Variants in CARS2 observed in about 807,000 individuals in gnomAD.
The protein encoded by CARS2 is cysteinyl-tRNA synthetase 2, mitochondrial.
In CARS2, 52 loss-of-function variants were observed where a neutral mutation model predicts 68.8. That is an observed-to-expected ratio of 0.76 (90% confidence interval 0.61 to 0.95). The LOEUF is 0.95. Ranked by LOEUF, CARS2 falls within the 40% of genes least tolerant of loss-of-function variation. The pLI, the probability that CARS2 is intolerant of heterozygous loss-of-function variation, is 0.00. For synonymous variants in CARS2, 314 were observed against 303.6 expected (o/e 1.03, Z -0.36); for missense variants, 780 against 754.2 (o/e 1.03, Z -0.40).
intron 6 of CARS2, among the ~76,000 whole-genome samples, chr13:110,678,857 G>T (rs1189483622): frequency 1.1e-4 from 17 of 152,090 alleles, no homozygotes; most frequent in Admixed American, 8.5e-4. Flanking sequence ...AGAGTGGACG[G>T]GGCTACAGAA....
intron 14 of CARS2, among the ~76,000 whole-genome samples, chr13:110,642,109 G>A (rs1887414465): frequency 6.6e-6 from 1 of 152,208 alleles, no homozygotes; most frequent in Non-Finnish European, 1.5e-5. Flanking sequence ...GCTGAGGCAG[G>A]AGAATCGCTT....
chr13:110,664,732 G>A, intron 8 of CARS2: 1 of 790,210 alleles, frequency 1.3e-6, no homozygotes, highest in East Asian at 1.3e-4. Flanking sequence ...CAGCCCTCAG[G>A]TGACGGTAAC....
intron 10 of CARS2, 92 bp downstream of exon 10, chr13:110,650,942 A>T: frequency 1.1e-6 from 1 of 907,444 alleles, no homozygotes; most frequent in Non-Finnish European, 1.8e-6. Context: ...GGTTCTGCTT[A>T]TTCTCTGGCC....
rs2062623294 is a variant in CARS2 at position 110,665,469 on chromosome 13, A to G, written c.919+1871T>C. 1.0e-6 allele frequency: 1 copy of G among 985,478 alleles called. No individual in the cohort carries two copies. 61.0% of individuals were successfully genotyped at this position (985,478 alleles called of 1,614,324 possible). On this transcript the variant is annotated intron_variant, in intron 8 of 14. Coordinates refer to ENST00000257347, the MANE Select transcript of CARS2 (RefSeq NM_024537.4). This position sits in a 1 kb window ranked among gnomAD's most constrained non-coding sequence, Gnocchi z 4.3. ...CAACAACAACAGCAAATGCTTTCCC[A>G]TTCCCACATCGGAAGGTGAACACGA...
chr13:110,712,862 C>G (rs2064048779), intron 1 of CARS2: 5 of 1,274,686 alleles, frequency 3.9e-6, no homozygotes, highest in East Asian at 2.5e-5. Context: ...GCCCCTTTGT[C>G]TCCAAGCCGT....
chr13:110,672,515 A>G (rs1566694437), intron 7 of CARS2, among the ~76,000 whole-genome samples: 1 of 152,236 alleles, frequency 6.6e-6, no homozygotes, highest in Non-Finnish European at 1.5e-5. Context: ...CTTTGAAACC[A>G]ATAAGAACAA....
intron 5 of CARS2, among the ~76,000 whole-genome samples, chr13:110,687,452 A>G (rs2063331509): frequency 6.6e-6 from 1 of 151,980 alleles, no homozygotes; most frequent in African/African-American, 2.4e-5. Context: ...GGTGGATCAC[A>G]AGGTCAGGAG....
At position 110,668,198 on chromosome 13, in the gene CARS2, C is replaced by A. The variant is rs548464976; in HGVS notation, c.786-725G>T. 9.2e-5 allele frequency among the ~76,000 whole-genome samples: 14 copies of A among 152,320 alleles called. No individual in the cohort carries two copies. The highest frequency in any genetic ancestry group is 3.4e-4 in the African/African-American group (14 of 41,572). ...AAGCACTGCACACGGAGGTCTCGAG[C>A]CTGGGGAAACAGGCATCACAGAAAC... On this transcript the variant is annotated intron_variant, in intron 7 of 14. Transcript: ENST00000257347. This position sits in a 1 kb window ranked among gnomAD's most constrained non-coding sequence, Gnocchi z 4.1.
At chr13:110,657,187 C>A (rs1176942849) in intron 9 of CARS2, among the ~76,000 whole-genome samples, 3 of 142,732 alleles carry the variant, frequency 2.1e-5, no homozygotes. Context: ...AACTAAAAAG[C>A]CCTGTGATAT....
intron 6 of CARS2, among the ~76,000 whole-genome samples, chr13:110,682,016 C>T (rs1333193097): frequency 6.6e-6 from 1 of 152,050 alleles, no homozygotes; most frequent in Non-Finnish European, 1.5e-5. Context: ...TATACATTCA[C>T]CCAAACCCAG....
Position 110,665,949 on chromosome 13 carries a change from T to C in CARS2, c.919+1391A>G. On this transcript the variant is annotated intron_variant, in intron 8 of 14. Transcript: ENST00000257347. This position sits in a 1 kb window ranked among gnomAD's most constrained non-coding sequence, Gnocchi z 4.3. ...ATGTCAAAGTTTGCATCTCCAAATC[T>C]ATCACTACCAAACACTCTTTATCTT... 2.0e-6 allele frequency: 2 copies of C among 985,380 alleles called. No homozygotes were observed. Among genetic ancestry groups the C allele is most frequent in the Non-Finnish European group, 2.4e-6 (2 of 829,916 alleles). The allele number at this position is 985,380 out of a possible 1,614,324, so 61.0% of individuals were successfully genotyped here.
intron 3 of CARS2, among the ~76,000 whole-genome samples, chr13:110,690,323 G>A (rs2063421197): frequency 6.6e-6 from 1 of 152,238 alleles, no homozygotes; most frequent in South Asian, 2.1e-4. Flanking sequence ...CAAATGGCAT[G>A]AAGGGGTGCC....
intron 7 of CARS2, among the ~76,000 whole-genome samples, chr13:110,675,556 C>A (rs1331406306): frequency 6.6e-6 from 1 of 151,862 alleles, no homozygotes; most frequent in Non-Finnish European, 1.5e-5. Context: ...CAGGGCCTGT[C>A]ATGGGGTGGG....
In CARS2 at chr13:110,705,744, C is replaced by T. The variant is rs1471808613; in HGVS notation, c.224+126G>A. 3 of 1,537,136 alleles carry T rather than the reference C, an allele frequency of 2.0e-6. No individual in the cohort carries two copies. In the African/African-American group the frequency reaches 4.1e-5, roughly 21 times the overall value. ...AACCTGCAAAAGCACCGCGCACCCC[C>T]AGCTTCTAGAACGGCGCCCTCCATG... On this transcript the variant is annotated intron_variant, in intron 1 of 14. Transcript: ENST00000257347. This position sits in a 1 kb window ranked among gnomAD's most constrained non-coding sequence, Gnocchi z 4.0.
intron 12 of CARS2, 43 bp downstream of exon 12, chr13:110,645,924 C>T (rs900154460): frequency 2.5e-6 from 4 of 1,599,626 alleles, no homozygotes; most frequent in Admixed American, 1.7e-5. Flanking sequence ...CCGACCCATG[C>T]CCCTGGCAGC....
chr13:110,692,838 G>A (rs957434889), intron 3 of CARS2, among the ~76,000 whole-genome samples: 16 of 151,910 alleles, frequency 1.1e-4, no homozygotes, highest in Middle Eastern at 3.4e-3. Flanking sequence ...TTGGCTGGGC[G>A]CTGTGGCTCA....
At chr13:110,708,905 C>T (rs1232019923), upstream of CARS2, among the ~76,000 whole-genome samples, 1 of 151,818 alleles carries the variant, frequency 6.6e-6, no homozygotes, top group Non-Finnish European at 1.5e-5. Flanking sequence ...AGGTGCGTGC[C>T]ACCACGCTCA....
chr13:110,662,360 C>T (rs376497280), intron 9 of CARS2, among the ~76,000 whole-genome samples: 9 of 132,854 alleles, frequency 6.8e-5, no homozygotes, highest in East Asian at 2.2e-4. Flanking sequence ...GGCCAGGCTC[C>T]GACCCCACTG....
At position 110,676,572 on chromosome 13, in the gene CARS2, C is replaced by T. The variant is rs888299229; in HGVS notation, c.785+402G>A. 2.0e-5 allele frequency among the ~76,000 whole-genome samples: 3 copies of T among 152,006 alleles called. No individual in the cohort carries two copies. Among genetic ancestry groups the T allele is most frequent in the African/African-American group, 4.8e-5 (2 of 41,386 alleles). On this transcript the variant is annotated intron_variant, in intron 7 of 14. Coordinates refer to ENST00000257347, the MANE Select transcript of CARS2 (RefSeq NM_024537.4). This position sits in a 1 kb window ranked among gnomAD's most constrained non-coding sequence, Gnocchi z 4.0. ...TTCCGCCACAGAGCACCCTGGCATG[C>T]GAGTTGCCTGAGCTAGAAGAGCTGG...
Sources: allele counts gnomAD v4.1 joint callset (sites outside exome capture counted in the v4.1 genomes callset), GRCh38; gene constraint gnomAD v4.1.1; non-coding constraint Gnocchi (gnomAD v3.1); transcripts MANE v1.5; gene names NCBI Gene and HGNC (gene_info 2026-07-23, HGNC 2026-07-21).